VWA8: variants seen among roughly 807,000 people sequenced by gnomAD.
VWA8 encodes the protein von Willebrand factor A domain-containing protein 8.
In VWA8, 221 loss-of-function variants were observed where a neutral mutation model predicts 241.5. That is an observed-to-expected ratio of 0.91 (90% CI 0.82 to 1.02). The LOEUF is 1.02. VWA8 is among the 50% of genes least tolerant of loss of function. The pLI is 0.00. For synonymous variants in VWA8, 852 were observed against 827.1 expected, an observed-to-expected ratio of 1.03 and a Z score of -0.52; for missense variants, 2,322 against 2,328.7, an observed-to-expected ratio of 1.00 and a Z score of 0.06.
In VWA8 at chr13:41,865,999, G is replaced by C; in HGVS notation, c.1250C>G (p.Ala417Gly). The C allele has an allele frequency of 6.2e-7, 1 of 1,614,116 alleles. No homozygotes were observed. The highest frequency in any genetic ancestry group is 8.5e-7 in the Non-Finnish European group (1 of 1,180,034). Reference sequence around the variant, plus strand: ...CAAAGTCTGTATGAAACGGTCTGACGCACAAGGTTGACTTAATAGCCTGGT... The same window carrying C: ...CAAAGTCTGTATGAAACGGTCTGACCCACAAGGTTGACTTAATAGCCTGGT... ...AGTRLLSQPC[A>G]SDRFIQTLSH... is the part of the protein sequence containing the mutation. The change falls in exon 11 of 45, where the codon GCG becomes GGG. Residue 417 changes from alanine (A) to glycine (G), a missense_variant. Physicochemically the swap from Ala to Gly is moderately conservative, Grantham distance 60. Coordinates refer to ENST00000379310, the MANE Select transcript of VWA8 (RefSeq NM_015058.2).
At chr13:41,683,726 G>C (rs75029232) in intron 35 of VWA8, among the ~76,000 whole-genome samples, 2,450 of 152,250 alleles carry the variant, frequency 0.016, 37 homozygotes, top group African/African-American at 0.045. Context: ...AGTGTACGAT[G>C]GTGGTGCTTT....
At chr13:41,926,494 G>T in intron 2 of VWA8, 1 of 529,696 alleles carries the variant, frequency 1.9e-6, no homozygotes, top group Non-Finnish European at 3.8e-6. Flanking sequence ...TCTATCATAA[G>T]ATGCTAGTGG....
intron 12 of VWA8, among the ~76,000 whole-genome samples, chr13:41,864,410 G>A (rs2138047742): frequency 6.6e-6 from 1 of 152,232 alleles, no homozygotes; most frequent in South Asian, 2.1e-4. Flanking sequence ...GGTTACAATA[G>A]TCTAAAGGAA....
rs142774673 is a variant in VWA8, at chr13:41,596,788, TACACACACAC to T, written c.4987-6033_4987-6024del. Among the ~76,000 whole-genome samples the T allele has an allele frequency of 2.6e-3, 355 of 136,992 alleles. 1 individual carries two copies. Among genetic ancestry groups the T allele is most frequent in the African/African-American group, 8.5e-3 (316 of 37,120 alleles). The allele number at this position is 136,992 out of a possible 152,430, so 89.9% of individuals were successfully genotyped here. On this transcript the variant is annotated intron_variant, in intron 40 of 44. Coordinates refer to ENST00000379310, the MANE Select transcript of VWA8 (RefSeq NM_015058.2). ...AGGAAATACTTGCTTAACCAGAAAG[TACACACACAC>T]ACACACACACACACACACACACACA...
chr13:41,924,126 A>G (rs1051946978), intron 2 of VWA8, among the ~76,000 whole-genome samples: 12 of 152,208 alleles, frequency 7.9e-5, no homozygotes, highest in African/African-American at 2.9e-4. Flanking sequence ...AAATTCAGCA[A>G]GATATAAGAG....
At chr13:41,670,865 A>C in intron 37 of VWA8, 81 bp downstream of exon 37, 2 of 1,536,980 alleles carry the variant, frequency 1.3e-6, no homozygotes, top group Admixed American at 1.8e-5. Context: ...CTGGCCCAGA[A>C]ATTTTCATGA....
intron 17 of VWA8, among the ~76,000 whole-genome samples, chr13:41,798,274 T>C (rs1376707127): frequency 6.6e-6 from 1 of 152,210 alleles, no homozygotes; most frequent in Non-Finnish European, 1.5e-5. Flanking sequence ...GCCTATTTCC[T>C]TTCTCACCGT....
At chr13:41,582,158 T>C (rs1236906904) in intron 42 of VWA8, among the ~76,000 whole-genome samples, 1 of 152,178 alleles carries the variant, frequency 6.6e-6, no homozygotes, top group Non-Finnish European at 1.5e-5. Context: ...TGAGAAACTT[T>C]AAACACTCCA....
chr13:41,914,923 A>G (rs1876181531), intron 2 of VWA8, among the ~76,000 whole-genome samples: 1 of 152,194 alleles, frequency 6.6e-6, no homozygotes, highest in African/African-American at 2.4e-5. Flanking sequence ...GTCTCAATTT[A>G]GTTCTATACT....
At chr13:41,786,502 T>C (rs116918440) in intron 18 of VWA8, among the ~76,000 whole-genome samples, 2,003 of 152,284 alleles carry the variant, frequency 0.013, 23 homozygotes, top group Middle Eastern at 0.051. Context: ...CTGCTAACAC[T>C]AGCCAGTAAC....
At chr13:41,641,174 T>C (rs1566398746) in intron 37 of VWA8, among the ~76,000 whole-genome samples, 1 of 152,102 alleles carries the variant, frequency 6.6e-6, no homozygotes, top group Non-Finnish European at 1.5e-5. Flanking sequence ...ACTGGCAGGA[T>C]AGTTATGTTG....
intron 1 of VWA8, among the ~76,000 whole-genome samples, chr13:41,955,642 C>A (rs1180011168): frequency 1.3e-5 from 2 of 152,226 alleles, no homozygotes; most frequent in Non-Finnish European, 1.5e-5. Context: ...TTCAGTGAAT[C>A]TGTCAAAATT....
At chr13:41,911,226 G>A (rs1338410804) in intron 3 of VWA8, among the ~76,000 whole-genome samples, 1 of 151,922 alleles carries the variant, frequency 6.6e-6, no homozygotes, top group African/African-American at 2.4e-5. Flanking sequence ...ACCATACCCT[G>A]CTAATTTTTG....
At chr13:41,776,736 T>A (rs1481747778) in intron 20 of VWA8, among the ~76,000 whole-genome samples, 2 of 152,162 alleles carry the variant, frequency 1.3e-5, no homozygotes, top group Non-Finnish European at 2.9e-5. Flanking sequence ...ATCAAGAAAC[T>A]GAGCCTTAGT....
chr13:41,901,883 A>T lies in VWA8; in HGVS notation c.483+5703T>A, dbSNP rs1366962851. Among the ~76,000 whole-genome samples, 832 of 90,232 alleles carry T rather than the reference A, an allele frequency of 9.2e-3. 2 individuals carry two copies. The highest frequency in any genetic ancestry group is 0.016 in the Non-Finnish European group (653 of 41,728). 59.2% of individuals were successfully genotyped at this position (90,232 alleles called of 152,430 possible). Reference sequence around the variant, plus strand: ...TCCATCTCAAAAAAAAAAAAAAAAAAAAAAAAATATATATATATATATATA... The same window carrying T: ...TCCATCTCAAAAAAAAAAAAAAAAATAAAAAAATATATATATATATATATA... On this transcript the variant is annotated intron_variant, in intron 4 of 44. Coordinates refer to ENST00000379310, the MANE Select transcript of VWA8 (RefSeq NM_015058.2).
intron 37 of VWA8, among the ~76,000 whole-genome samples, chr13:41,656,151 A>G (rs2044903404): frequency 6.6e-6 from 1 of 152,196 alleles, no homozygotes; most frequent in Non-Finnish European, 1.5e-5. Flanking sequence ...ATTGTGTCAG[A>G]TTTTTCTCTT....
chr13:41,864,989 C>CAAAAAAAAAAAAAAAA (rs35515775), intron 12 of VWA8, among the ~76,000 whole-genome samples: 1 of 75,084 alleles, frequency 1.3e-5, no homozygotes, highest in African/African-American at 5.7e-5. Flanking sequence ...AACTCCATCT[C>CAAAAAAAAAAAAAAAA]AAAAAAAAAA....
At chr13:41,783,208 T>A (rs1868971043) in intron 19 of VWA8, among the ~76,000 whole-genome samples, 1 of 148,356 alleles carries the variant, frequency 6.7e-6, no homozygotes. Context: ...TACTTATATA[T>A]ATACTTAATA....
intron 4 of VWA8, among the ~76,000 whole-genome samples, chr13:41,897,300 G>A (rs1875157620): frequency 1.3e-5 from 2 of 152,044 alleles, no homozygotes; most frequent in Non-Finnish European, 2.9e-5. Context: ...GGCCAGTAAG[G>A]AAATGCCCAA....
Sources: gnomAD v4.1 joint callset for allele counts (sites outside exome capture counted in the v4.1 genomes callset) on GRCh38, gnomAD v4.1.1 for gene constraint, MANE v1.5 for transcripts, NCBI Gene and HGNC (gene_info 2026-07-23, HGNC 2026-07-21) for gene names.